The following SGCD variants were observed in gnomAD, a reference collection of about 807,000 sequenced individuals.
SGCD encodes the protein delta-sarcoglycan.
In SGCD, 18 loss-of-function variants were observed where a neutral mutation model predicts 36.6. That is an observed-to-expected ratio of 0.49 (90% CI 0.34 to 0.73). The LOEUF (loss-of-function observed/expected upper bound fraction) is 0.73, where lower values mean the gene tolerates loss of function less well. Among genes scored for constraint, SGCD ranks in the 30% least tolerant of loss-of-function variants. The pLI is 0.01. For synonymous variants in SGCD, 133 were observed against 130.6 expected (o/e 1.02, Z -0.12); for missense variants, 387 against 346.7 (o/e 1.12, Z -0.92).
At chr5:156,408,908 T>C (rs934238427) in intron 3 of SGCD, among the ~76,000 whole-genome samples, 8 of 152,152 alleles carry the variant, frequency 5.3e-5, no homozygotes, top group Non-Finnish European at 1.0e-4. Flanking sequence ...TTCACACCTA[T>C]ATAAAGGGGG....
intron 7 of SGCD, among the ~76,000 whole-genome samples, chr5:156,677,653 A>G (rs1050225875): frequency 1.3e-5 from 2 of 152,036 alleles, no homozygotes; most frequent in African/African-American, 4.8e-5. Context: ...AAACCTGCAC[A>G]TTGTGCACAT....
chr5:156,745,868 G>C (rs2113114490), intron 7 of SGCD, among the ~76,000 whole-genome samples: 1 of 152,002 alleles, frequency 6.6e-6, no homozygotes, highest in African/African-American at 2.4e-5. Context: ...CAAAAGCAGA[G>C]AGACAGAAGA....
At chr5:156,626,720 T>A (rs1039779401) in intron 6 of SGCD, among the ~76,000 whole-genome samples, 4 of 152,196 alleles carry the variant, frequency 2.6e-5, no homozygotes, top group Non-Finnish European at 2.9e-5. Context: ...AAGCAACCAA[T>A]ATGTAGGTAG....
At chr5:156,677,035 A>T (rs1336090147) in intron 7 of SGCD, among the ~76,000 whole-genome samples, 2 of 152,144 alleles carry the variant, frequency 1.3e-5, no homozygotes, top group African/African-American at 4.8e-5. Flanking sequence ...ATCTATTTAA[A>T]CTTCTCATTA....
At chr5:156,425,190 T>C (rs1038193932) in intron 3 of SGCD, among the ~76,000 whole-genome samples, 1 of 152,060 alleles carries the variant, frequency 6.6e-6, no homozygotes, top group African/African-American at 2.4e-5. Flanking sequence ...TATCTGTCAG[T>C]GCACTGAAAG....
rs975252368 is a variant in SGCD at position 156,766,281 on chromosome 5, G to A, written c.*6891G>A. The A allele has an allele frequency of 6.6e-6, 1 of 151,996 alleles. No individual in the cohort carries two copies. The highest frequency in any genetic ancestry group is 1.5e-5 in the Non-Finnish European group (1 of 68,012). The allele number at this position is 151,996 out of a possible 1,614,324, so 9.4% of individuals were successfully genotyped here. A position where few individuals can be genotyped will look rare whatever the true frequency, so the allele number is the denominator to read the frequency against. On this transcript the variant is annotated 3_prime_UTR_variant, in exon 9 of 9. Transcript: ENST00000337851. The stretch of plus-strand genomic sequence containing the variant: ...CAAGGAAGCGATCAAATAGAGGGAA[G>A]CTCATTTCTATCATTGTCTCTGTTT...
rs560296378 is a variant in SGCD at position 155,883,750 on chromosome 5, G to A, written c.-282+13326G>A. On this transcript the variant is annotated intron_variant, in intron 1 of 9. Coordinates refer to the SGCD transcript ENST00000517913. ...TACATACTATTGGAAAAATTGTGCC[G>A]ATAGACTTGCTGGATGCAGGGTTAC... Among the ~76,000 whole-genome samples, 61 of 129,670 alleles carry A rather than the reference G, an allele frequency of 4.7e-4. 1 individual carries two copies. The South Asian group carries it at 0.015, about 31-fold the overall frequency. The allele number at this position is 129,670 out of a possible 152,430, so 85.1% of individuals were successfully genotyped here. A position where few individuals can be genotyped will look rare whatever the true frequency, so the allele number is the denominator to read the frequency against.
rs892314484 is a variant in SGCD at position 156,576,005 on chromosome 5, A to G, written c.295-13226A>G. 2.6e-5 allele frequency among the ~76,000 whole-genome samples: 4 copies of G among 152,132 alleles called. No homozygotes were observed. In the East Asian group the frequency reaches 5.8e-4, roughly 22 times the overall value. On this transcript the variant is annotated intron_variant, in intron 4 of 8. Transcript: ENST00000337851. ...TTTGTTACATAGGTATACCTGTGCCATGTTGGTGTGCTGCACCCATTAACC... is the reference window on the plus strand; with the variant it reads ...TTTGTTACATAGGTATACCTGTGCCGTGTTGGTGTGCTGCACCCATTAACC...
intron 7 of SGCD, among the ~76,000 whole-genome samples, chr5:156,754,561 A>G (rs981688029): frequency 1.3e-5 from 2 of 152,264 alleles, no homozygotes; most frequent in African/African-American, 4.8e-5. Flanking sequence ...TAAAGATACA[A>G]TAGATGGAAA....
At chr5:156,539,553 T>C (rs189009042) in intron 4 of SGCD, among the ~76,000 whole-genome samples, 3 of 152,158 alleles carry the variant, frequency 2.0e-5, no homozygotes, top group African/African-American at 7.2e-5. Flanking sequence ...AATAATGGCC[T>C]CCAGCTTCAT....
At chr5:156,529,254 G>A (rs1268505503) in intron 4 of SGCD, among the ~76,000 whole-genome samples, 2 of 151,774 alleles carry the variant, frequency 1.3e-5, no homozygotes, top group African/African-American at 2.4e-5. Context: ...GTCAAACCCC[G>A]TCTCTACTAA....
chr5:156,532,421 C>T (rs1050922123), intron 4 of SGCD, among the ~76,000 whole-genome samples: 1 of 152,066 alleles, frequency 6.6e-6, no homozygotes, highest in African/African-American at 2.4e-5. Context: ...ATTGTAATAG[C>T]TAACAGATAC....
intron 3 of SGCD, among the ~76,000 whole-genome samples, chr5:156,469,188 GT>G (rs1165057657): frequency 6.6e-6 from 1 of 152,080 alleles, no homozygotes; most frequent in Non-Finnish European, 1.5e-5. Context: ...CCAAGCTTGT[GT>G]TTTTTGTTGT....
At chr5:155,983,992 G>A (rs1168621475) in intron 1 of SGCD, among the ~76,000 whole-genome samples, 1 of 152,088 alleles carries the variant, frequency 6.6e-6, no homozygotes, top group East Asian at 1.9e-4. Context: ...TCACTGACTT[G>A]TTCCAGCCCA....
At chr5:155,942,525 T>C (rs1480021948) in intron 1 of SGCD, among the ~76,000 whole-genome samples, 2 of 152,178 alleles carry the variant, frequency 1.3e-5, no homozygotes, top group African/African-American at 4.8e-5. Context: ...CAATTCTTCA[T>C]ATAAACTCTT....
intron 3 of SGCD, among the ~76,000 whole-genome samples, chr5:156,252,703 C>A (rs891226446): frequency 6.6e-6 from 1 of 152,146 alleles, no homozygotes; most frequent in East Asian, 1.9e-4. Context: ...CAGGGAATTT[C>A]TTTGAAGTCT....
intron 3 of SGCD, among the ~76,000 whole-genome samples, chr5:156,475,099 C>T (rs927178208): frequency 1.3e-5 from 2 of 152,196 alleles, no homozygotes; most frequent in Non-Finnish European, 2.9e-5. Flanking sequence ...CTCCACCAGC[C>T]TCTGACTATT....
intron 3 of SGCD, among the ~76,000 whole-genome samples, chr5:156,483,996 T>C (rs1581058550): frequency 1.3e-5 from 2 of 152,328 alleles, no homozygotes; most frequent in East Asian, 3.9e-4. Context: ...AAACTGTTAG[T>C]ACTTCCGCTA....
chr5:156,318,354 C>A (rs894689654), intron 3 of SGCD, among the ~76,000 whole-genome samples: 1 of 152,096 alleles, frequency 6.6e-6, no homozygotes, highest in African/African-American at 2.4e-5. Flanking sequence ...GTCAGCCCAA[C>A]AGGTATAATT....
Sources: allele counts gnomAD v4.1 joint callset (sites outside exome capture counted in the v4.1 genomes callset), GRCh38; gene constraint gnomAD v4.1.1; transcripts MANE v1.5; gene names NCBI Gene and HGNC (gene_info 2026-07-23, HGNC 2026-07-21).